NKAIN2: variants seen among roughly 807,000 people sequenced by gnomAD.
NKAIN2 encodes sodium/potassium transporting ATPase interacting 2.
A neutral mutation model predicts 32.6 loss-of-function variants in NKAIN2; 14 were observed. The ratio of observed to expected loss-of-function variants is 0.43; its 90% CI spans 0.28 to 0.67. The LOEUF is 0.67. NKAIN2 is among the 30% of genes least tolerant of loss of function. The pLI is 0.17. For synonymous variants in NKAIN2, 80 were observed against 87.2 expected, an observed-to-expected ratio of 0.92 and a Z score of 0.46; for missense variants, 198 against 258.3, an observed-to-expected ratio of 0.77 and a Z score of 1.60.
intron 1 of NKAIN2, among the ~76,000 whole-genome samples, chr6:123,956,279 C>T (rs997644857): frequency 3.9e-5 from 6 of 152,042 alleles, no homozygotes; most frequent in East Asian, 1.9e-4. Flanking sequence ...GAATTGTATC[C>T]GTGAAAATTC....
intron 1 of NKAIN2, among the ~76,000 whole-genome samples, chr6:124,137,351 A>T (rs1287341232): frequency 1.3e-5 from 2 of 152,166 alleles, no homozygotes; most frequent in African/African-American, 2.4e-5. Context: ...TACTAAAAGA[A>T]ATCATAGATG....
chr6:124,553,407 A>C (rs1016566403), intron 3 of NKAIN2, among the ~76,000 whole-genome samples: 1 of 152,176 alleles, frequency 6.6e-6, no homozygotes, highest in Non-Finnish European at 1.5e-5. Flanking sequence ...TCCCAGGTTC[A>C]AGCGATTCTC....
chr6:124,282,410 A>G (rs1157996698), intron 1 of NKAIN2, among the ~76,000 whole-genome samples: 1 of 152,140 alleles, frequency 6.6e-6, no homozygotes. Flanking sequence ...TATTAGAACT[A>G]GAAGGACCCT....
At chr6:124,341,604 G>A (rs191353837) in intron 2 of NKAIN2, among the ~76,000 whole-genome samples, 60 of 152,134 alleles carry the variant, frequency 3.9e-4, no homozygotes, top group Non-Finnish European at 8.8e-5. Flanking sequence ...TCACAAGAAA[G>A]CTTGATCATA....
rs186667392 is a variant in NKAIN2, at chr6:124,815,585, T to A, written c.536-2802T>A. Among the ~76,000 whole-genome samples the A allele has an allele frequency of 5.4e-3, 809 of 150,738 alleles. 4 individuals carry two copies. Among genetic ancestry groups the A allele is most frequent in the Middle Eastern group, 0.014 (4 of 294 alleles). ...GCACCCAGCCAATAATTTTTTTAAG[T>A]GCAAACTTTAAATAGAGTCACTGTG... On this transcript the variant is annotated intron_variant, in intron 5 of 6. Coordinates refer to ENST00000368417, the MANE Select transcript of NKAIN2 (RefSeq NM_001040214.3).
At chr6:124,801,923 C>G (rs17712618) in intron 5 of NKAIN2, among the ~76,000 whole-genome samples, 2,742 of 152,302 alleles carry the variant, frequency 0.018, 44 homozygotes, top group Non-Finnish European at 0.03. Context: ...CACCGTAAGT[C>G]ACACAGGAAT....
chr6:124,630,597 T>C (rs773409989), intron 3 of NKAIN2, among the ~76,000 whole-genome samples: 3 of 152,182 alleles, frequency 2.0e-5, no homozygotes, highest in Non-Finnish European at 4.4e-5. Context: ...AGAAATTACA[T>C]AATTACCTGA....
chr6:124,719,126 T>C (rs1298190998), intron 4 of NKAIN2, among the ~76,000 whole-genome samples: 2 of 152,214 alleles, frequency 1.3e-5, no homozygotes, highest in Non-Finnish European at 2.9e-5. Context: ...CTATCATTAG[T>C]CAAATAGACT....
chr6:123,945,375 A>G (rs1174373032), intron 1 of NKAIN2, among the ~76,000 whole-genome samples: 1 of 152,094 alleles, frequency 6.6e-6, no homozygotes, highest in East Asian at 1.9e-4. Context: ...TCAATTTGTC[A>G]TGTCAGTGTG....
At position 124,603,271 on chromosome 6, in the gene NKAIN2, T is replaced by C. The variant is rs554448281; in HGVS notation, c.274-54915T>C. Among the ~76,000 whole-genome samples the C allele has an allele frequency of 7.2e-5, 11 of 152,112 alleles. No individual in the cohort carries two copies. The South Asian group carries it at 2.3e-3, about 31-fold the overall frequency. On this transcript the variant is annotated intron_variant, in intron 3 of 6. Transcript: ENST00000368417. ...CTGAAAATGATTCTGTATGGTAACA[T>C]GCCATGTCTGTTTTTAAAGTAAAAT...
At chr6:124,427,681 C>A (rs1282614485) in intron 3 of NKAIN2, among the ~76,000 whole-genome samples, 2 of 152,088 alleles carry the variant, frequency 1.3e-5, no homozygotes, top group Non-Finnish European at 2.9e-5. Context: ...TCTCTGTAAA[C>A]CCCTTAGAGG....
chr6:124,232,780 G>T (rs1055538543), intron 1 of NKAIN2, among the ~76,000 whole-genome samples: 1 of 152,206 alleles, frequency 6.6e-6, no homozygotes, highest in Middle Eastern at 3.4e-3. Flanking sequence ...GGTTTGAGGG[G>T]ATTTGGACAA....
At chr6:124,705,726 A>C (rs558602034) in intron 4 of NKAIN2, among the ~76,000 whole-genome samples, 2 of 152,238 alleles carry the variant, frequency 1.3e-5, no homozygotes, top group East Asian at 3.9e-4. Flanking sequence ...TCACAGTAAA[A>C]TCATAAGACA....
chr6:123,918,491 TG>T (rs1257527137), intron 1 of NKAIN2, among the ~76,000 whole-genome samples: 2 of 152,228 alleles, frequency 1.3e-5, no homozygotes, highest in African/African-American at 4.8e-5. Flanking sequence ...ATGGCAGAAA[TG>T]CCCTTTTCAT....
At chr6:124,585,970 A>G (rs1245923468) in intron 3 of NKAIN2, among the ~76,000 whole-genome samples, 1 of 152,204 alleles carries the variant, frequency 6.6e-6, no homozygotes, top group Non-Finnish European at 1.5e-5. Flanking sequence ...GTATTCTTCC[A>G]TCGGTTCTAT....
At chr6:124,714,844 G>A (rs762710825) in intron 4 of NKAIN2, among the ~76,000 whole-genome samples, 7 of 152,126 alleles carry the variant, frequency 4.6e-5, no homozygotes, top group African/African-American at 1.7e-4. Flanking sequence ...TCCAAGAAAC[G>A]GAGGCTCTGA....
At chr6:124,073,197 C>T (rs1414534482) in intron 1 of NKAIN2, among the ~76,000 whole-genome samples, 3 of 152,306 alleles carry the variant, frequency 2.0e-5, no homozygotes, top group Non-Finnish European at 2.9e-5. Context: ...AAACAATTCC[C>T]CGGGAGATTC....
intron 5 of NKAIN2, among the ~76,000 whole-genome samples, chr6:124,797,570 C>A (rs1780057380): frequency 6.6e-6 from 1 of 151,880 alleles, no homozygotes; most frequent in Non-Finnish European, 1.5e-5. Context: ...GGATAAAAGT[C>A]ACAATCAATT....
intron 4 of NKAIN2, 148 bp from the exon 5 acceptor site, chr6:124,791,191 C>T: frequency 5.8e-6 from 3 of 514,492 alleles, no homozygotes; most frequent in South Asian, 7.7e-5. Context: ...GAGGAATCCA[C>T]ACTGAAGTCA....
Sources: gnomAD v4.1 joint callset for allele counts (sites outside exome capture counted in the v4.1 genomes callset) on GRCh38, gnomAD v4.1.1 for gene constraint, MANE v1.5 for transcripts, NCBI Gene and HGNC (gene_info 2026-07-23, HGNC 2026-07-21) for gene names.